ADAMTS6: variants seen among roughly 807,000 people sequenced by gnomAD.
The protein encoded by ADAMTS6 is ADAM metallopeptidase with thrombospondin type 1 motif 6, also known as A disintegrin and metalloproteinase with thrombospondin motifs 6.
In ADAMTS6, 23 loss-of-function variants were observed where a neutral mutation model predicts 144.3. That is an observed-to-expected ratio of 0.16 (90% CI 0.11 to 0.23). The LOEUF is 0.23. Among genes scored for constraint, ADAMTS6 ranks in the 10% least tolerant of loss-of-function variants. ADAMTS6 has a pLI of 1.00. For missense variants in ADAMTS6, 999 were observed against 1,379.6 expected (o/e 0.72, Z 4.37); for synonymous variants, 444 against 457.5 (o/e 0.97, Z 0.38).
chr5:65,453,685 T>G (rs960046166), intron 4 of ADAMTS6, among the ~76,000 whole-genome samples: 5 of 152,194 alleles, frequency 3.3e-5, no homozygotes, highest in Admixed American at 3.3e-4. Flanking sequence ...TGTAAACACC[T>G]GCCTCACTGA....
At chr5:65,162,642 C>CACACAT (rs1752849998) in intron 24 of ADAMTS6, among the ~76,000 whole-genome samples, 1 of 151,690 alleles carries the variant, frequency 6.6e-6, no homozygotes, top group Non-Finnish European at 1.5e-5. Context: ...CACACACACA[C>CACACAT]ACACACACAC....
intron 7 of ADAMTS6, among the ~76,000 whole-genome samples, chr5:65,398,800 G>GA (rs771603435): frequency 0.032 from 3,387 of 105,588 alleles, 137 homozygotes; most frequent in South Asian, 0.054. Flanking sequence ...AAGAAAGAAA[G>GA]AAAGAAAGAA....
intron 7 of ADAMTS6, among the ~76,000 whole-genome samples, chr5:65,358,108 G>A (rs959866846): frequency 1.1e-4 from 13 of 119,586 alleles, no homozygotes; most frequent in Admixed American, 9.2e-4. Context: ...AAATTCAACA[G>A]CACATTAAAA....
intron 15 of ADAMTS6, among the ~76,000 whole-genome samples, chr5:65,228,133 A>C (rs1276551686): frequency 6.6e-6 from 1 of 152,204 alleles, no homozygotes; most frequent in Non-Finnish European, 1.5e-5. Flanking sequence ...TAAATTACCC[A>C]AAATGTCCAT....
intron 18 of ADAMTS6, among the ~76,000 whole-genome samples, chr5:65,215,704 G>T (rs1011769219): frequency 6.6e-6 from 1 of 152,168 alleles, no homozygotes; most frequent in Non-Finnish European, 1.5e-5. Flanking sequence ...AGAAAGCAAC[G>T]AAAGGTTAAC....
chr5:65,223,186 T>C (rs1246692146), intron 18 of ADAMTS6, among the ~76,000 whole-genome samples: 1 of 152,144 alleles, frequency 6.6e-6, no homozygotes, highest in Non-Finnish European at 1.5e-5. Context: ...TACTTTCTTT[T>C]TTTTCCAGCT....
At chr5:65,471,558 T>C (rs1703814248) in intron 2 of ADAMTS6, among the ~76,000 whole-genome samples, 1 of 151,888 alleles carries the variant, frequency 6.6e-6, no homozygotes, top group African/African-American at 2.4e-5. Flanking sequence ...TATTATTTTT[T>C]AAGAAATCAT....
chr5:65,226,382 T>C (rs1757726091), intron 15 of ADAMTS6, among the ~76,000 whole-genome samples, 163 bp from the exon 16 acceptor site: 1 of 152,136 alleles, frequency 6.6e-6, no homozygotes, highest in Non-Finnish European at 1.5e-5. Context: ...TCACCTTTAT[T>C]TTAATTGGTG....
intron 7 of ADAMTS6, among the ~76,000 whole-genome samples, chr5:65,346,679 A>G (rs927104713): frequency 2.4e-4 from 37 of 151,766 alleles, no homozygotes; most frequent in Non-Finnish European, 3.5e-4. Context: ...AGAAAAAAAT[A>G]AAAGACACAA....
chr5:65,360,619 A>G (rs937118182), intron 7 of ADAMTS6, among the ~76,000 whole-genome samples: 7 of 152,170 alleles, frequency 4.6e-5, no homozygotes, highest in African/African-American at 1.4e-4. Flanking sequence ...TAGAAAATGT[A>G]GGTAACTGTG....
intron 11 of ADAMTS6, among the ~76,000 whole-genome samples, chr5:65,287,552 T>G (rs996733991): frequency 6.6e-6 from 1 of 152,158 alleles, no homozygotes; most frequent in African/African-American, 2.4e-5. Context: ...TTTTTTGAGA[T>G]GGAGTTTTGC....
chr5:65,377,995 A>G (rs1396720025), intron 7 of ADAMTS6, among the ~76,000 whole-genome samples: 1 of 151,788 alleles, frequency 6.6e-6, no homozygotes, highest in East Asian at 1.9e-4. Context: ...CATATTCTCC[A>G]TGTTTGTCTC....
chr5:65,341,735 G>A (rs1258843704), intron 7 of ADAMTS6, among the ~76,000 whole-genome samples: 2 of 152,230 alleles, frequency 1.3e-5, no homozygotes, highest in South Asian at 2.1e-4. Context: ...AAGACCAGGT[G>A]ACTTCACCAC....
Position 65,242,200 on chromosome 5 carries a change from G to A in ADAMTS6, c.1837C>T (p.Pro613Ser), listed in dbSNP as rs866847008. 1.3e-6 allele frequency: 2 copies of A among 1,590,908 alleles called. No homozygotes were observed. Among genetic ancestry groups the A allele is most frequent in the East Asian group, 2.3e-5 (1 of 44,402 alleles). Reference protein sequence around the residue: ...RYRSCNTDPCPLGSRDFREKQ... With the variant: ...RYRSCNTDPCSLGSRDFREKQ... The stretch of plus-strand genomic sequence containing the variant: ...TCTCGAAAATCTCGGGAACCCAAAG[G>A]GCATGGCTAAAATAAAATAAAATCA... The change falls in exon 15 of 25, where the codon CCT becomes TCT. Residue 613 changes from proline (P) to serine (S), a missense_variant. Physicochemically the swap from Pro to Ser is moderately conservative, Grantham distance 74. Coordinates refer to ENST00000381055, the MANE Select transcript of ADAMTS6 (RefSeq NM_197941.4).
At chr5:65,398,840 GAAA>G (rs1753660189) in intron 7 of ADAMTS6, among the ~76,000 whole-genome samples, 1 of 121,302 alleles carries the variant, frequency 8.2e-6, no homozygotes, top group African/African-American at 3.2e-5. Flanking sequence ...AAGAAAGAAA[GAAA>G]GAAAGAAAAA....
rs529279306 is a variant in ADAMTS6 at position 65,422,641 on chromosome 5, A to T, written c.1073+28834T>A. ...GTCTCAAAAAATAAAAATAAATAAA[A>T]AAATTAAAAAATTAAAAAAAAACAA... On this transcript the variant is annotated intron_variant, in intron 7 of 24. Coordinates refer to ENST00000381055, the MANE Select transcript of ADAMTS6 (RefSeq NM_197941.4). 1.3e-4 allele frequency among the ~76,000 whole-genome samples: 12 copies of T among 89,274 alleles called. No individual in the cohort carries two copies. The South Asian group carries it at 1.9e-3, about 14-fold the overall frequency. 58.6% of individuals were successfully genotyped at this position (89,274 alleles called of 152,430 possible).
At chr5:65,453,286 C>A (rs1486172450) in intron 4 of ADAMTS6, among the ~76,000 whole-genome samples, 1 of 152,102 alleles carries the variant, frequency 6.6e-6, no homozygotes, top group Non-Finnish European at 1.5e-5. Flanking sequence ...AGAGTATGAA[C>A]TTTTCAATCA....
At chr5:65,219,019 T>C (rs1757123733) in intron 18 of ADAMTS6, among the ~76,000 whole-genome samples, 1 of 151,714 alleles carries the variant, frequency 6.6e-6, no homozygotes, top group Admixed American at 6.6e-5. Flanking sequence ...AGAGATTAAG[T>C]GGAATACAAT....
Position 65,452,201 on chromosome 5 carries a change from G to A in ADAMTS6, c.859C>T (p.Arg287Cys), listed in dbSNP as rs780677242. ...ACAACGTTTCCTAGGCTGGAATCAC[G>A]GTAAAGTTTGGCAACCTGACCTCCA... is the stretch of plus-strand genomic sequence containing the variant. ...SVMNIVAKLY[R>C]DSSLGNVVNI... The change falls in exon 6 of 25, where the codon CGT becomes TGT. Residue 287 changes from arginine (R) to cysteine (C), a missense_variant. Arg to Cys is a radical substitution (Grantham distance 180). Around this residue, in one of 3 missense-constraint regions of ADAMTS6, gnomAD observed 128 missense variants for 249.0 expected, o/e 0.51. Transcript: ENST00000381055. 30 of 1,612,424 alleles carry A rather than the reference G, an allele frequency of 1.9e-5. No homozygotes were observed. The highest frequency in any genetic ancestry group is 5.0e-5 in the Admixed American group (3 of 59,934).
Sources: allele counts gnomAD v4.1 joint callset (sites outside exome capture counted in the v4.1 genomes callset), GRCh38; gene constraint gnomAD v4.1.1; regional missense constraint gnomAD v4.1.1; transcripts MANE v1.5; gene names NCBI Gene and HGNC (gene_info 2026-07-23, HGNC 2026-07-21).